PHLDB2: variants seen among roughly 807,000 people sequenced by gnomAD.
PHLDB2 encodes pleckstrin homology like domain family B member 2, also known as pleckstrin homology-like domain family B member 2.
Under a neutral mutation model 123.6 loss-of-function variants are expected in PHLDB2, and 71 were observed. That is an observed-to-expected ratio of 0.57 (90% CI 0.47 to 0.70). The LOEUF (loss-of-function observed/expected upper bound fraction) is 0.70. Among genes scored for constraint, PHLDB2 ranks in the 30% least tolerant of loss-of-function variants. PHLDB2 has a pLI of 0.00. For missense variants in PHLDB2, 1,446 were observed against 1,519.5 expected (o/e 0.95, Z 0.80); for synonymous variants, 547 against 541.6 (o/e 1.01, Z -0.14).
At chr3:111,830,864 T>C (rs1232770159) in intron 1 of PHLDB2, among the ~76,000 whole-genome samples, 3 of 148,510 alleles carry the variant, frequency 2.0e-5, no homozygotes, top group African/African-American at 7.4e-5. Flanking sequence ...AGCATATCAT[T>C]GTCAGCATGA....
intron 1 of PHLDB2, among the ~76,000 whole-genome samples, chr3:111,773,918 C>T (rs960019888): frequency 6.6e-6 from 1 of 152,344 alleles, no homozygotes; most frequent in African/African-American, 2.4e-5. Context: ...CTTCCCACCA[C>T]TTACTGGGAA....
In PHLDB2 at chr3:111,850,556, A is replaced by G. The variant is rs1041151669; in HGVS notation, c.67+4621A>G. Reference sequence around the variant, plus strand: ...TGAAGCAGGAGGATCACTTGACCCCAGGAGCTCAAGACCAGCCTGGGCAAT... The same window carrying G: ...TGAAGCAGGAGGATCACTTGACCCCGGGAGCTCAAGACCAGCCTGGGCAAT... On this transcript the variant is annotated intron_variant, in intron 2 of 17. Transcript: ENST00000393923. Among the ~76,000 whole-genome samples, 6 of 152,330 alleles carry G rather than the reference A, an allele frequency of 3.9e-5. No individual in the cohort carries two copies. The East Asian group carries it at 1.2e-3, about 29-fold the overall frequency.
intron 2 of PHLDB2, among the ~76,000 whole-genome samples, chr3:111,850,455 A>T (rs966858816): frequency 1.3e-5 from 2 of 152,236 alleles, no homozygotes; most frequent in African/African-American, 2.4e-5. Flanking sequence ...TTGAAATTTT[A>T]AAAAATTTAA....
chr3:111,797,377 A>T (rs1180612775), intron 1 of PHLDB2, among the ~76,000 whole-genome samples: 1 of 152,198 alleles, frequency 6.6e-6, no homozygotes, highest in African/African-American at 2.4e-5. Flanking sequence ...ACACACAGAG[A>T]GTAGTTATTG....
intron 6 of PHLDB2, among the ~76,000 whole-genome samples, chr3:111,932,949 A>G (rs543720737): frequency 4.8e-4 from 73 of 152,376 alleles, no homozygotes; most frequent in Admixed American, 2.2e-3. Flanking sequence ...AAATGCCCTC[A>G]ACATCTCATG....
intron 9 of PHLDB2, 196 bp downstream of exon 9, chr3:111,945,553 T>G: frequency 1.7e-6 from 1 of 593,724 alleles, no homozygotes; most frequent in Non-Finnish European, 3.0e-6. Context: ...CTAATGCAGA[T>G]GCACATTGTG....
intron 16 of PHLDB2, among the ~76,000 whole-genome samples, chr3:111,971,397 T>C (rs1407126849): frequency 6.6e-6 from 1 of 152,186 alleles, no homozygotes; most frequent in African/African-American, 2.4e-5. Context: ...CAGACCCATG[T>C]AAATGTGTCT....
chr3:111,748,585 G>C (rs906975628), intron 1 of PHLDB2, among the ~76,000 whole-genome samples: 1 of 151,934 alleles, frequency 6.6e-6, no homozygotes, highest in South Asian at 2.1e-4. Flanking sequence ...ACAGTGGCGC[G>C]ATCTCGGCTC....
intron 1 of PHLDB2, among the ~76,000 whole-genome samples, chr3:111,832,232 T>C (rs146140613): frequency 6.6e-6 from 1 of 152,166 alleles, no homozygotes; most frequent in East Asian, 1.9e-4. Flanking sequence ...AATCTACATC[T>C]CTTTTTCTTT....
intron 1 of PHLDB2, among the ~76,000 whole-genome samples, chr3:111,863,695 GTC>G (rs2064940984): frequency 6.6e-6 from 1 of 152,144 alleles, no homozygotes; most frequent in African/African-American, 2.4e-5. Context: ...TGCACCCACA[GTC>G]TCTACCATTC....
chr3:111,862,377 T>C (rs1315667208), intron 1 of PHLDB2, among the ~76,000 whole-genome samples: 1 of 152,192 alleles, frequency 6.6e-6, no homozygotes, highest in Non-Finnish European at 1.5e-5. Flanking sequence ...GTGATGTGCT[T>C]TATCTTAAAG....
At chr3:111,732,500 CCA>C (rs1941533071) in exon 1 of PHLDB2, 1 of 915,572 alleles carries the variant, frequency 1.1e-6, no homozygotes, top group African/African-American at 1.6e-5. Flanking sequence ...CTGCCTGTGA[CCA>C]CAGTCTGCAG....
In PHLDB2 at chr3:111,976,004, A is replaced by G. The variant is rs1235818089; in HGVS notation, c.*1441A>G. ...AGATTTTACTTGAACAGTGAAGGAC[A>G]AAAATCATGATTGTGGAAGATATTT... is the stretch of plus-strand genomic sequence containing the variant. On this transcript the variant is annotated 3_prime_UTR_variant, in exon 18 of 18. Coordinates refer to ENST00000431670, the MANE Select transcript of PHLDB2 (RefSeq NM_001134438.2). 4 of 152,694 alleles carry G rather than the reference A, an allele frequency of 2.6e-5. No homozygotes were observed. Among genetic ancestry groups the G allele is most frequent in the African/African-American group, 7.2e-5 (3 of 41,476 alleles). 9.5% of individuals were successfully genotyped at this position (152,694 alleles called of 1,614,324 possible).
chr3:111,876,332 G>A (rs1162936681), intron 1 of PHLDB2, among the ~76,000 whole-genome samples: 2 of 152,018 alleles, frequency 1.3e-5, no homozygotes, highest in Admixed American at 6.6e-5. Flanking sequence ...GCAACTTGGC[G>A]GTTAAGAACA....
chr3:111,831,038 G>GAAGAAAGAAAGA (rs1559855438), intron 1 of PHLDB2, among the ~76,000 whole-genome samples: 3 of 54,962 alleles, frequency 5.5e-5, no homozygotes, highest in Admixed American at 1.8e-4. Flanking sequence ...AGAAAGGAAG[G>GAAGAAAGAAAGA]AAGGAAGAAA....
At chr3:111,818,757 TA>T (rs1389274807) in intron 1 of PHLDB2, among the ~76,000 whole-genome samples, 4 of 152,170 alleles carry the variant, frequency 2.6e-5, no homozygotes, top group Non-Finnish European at 5.9e-5. Flanking sequence ...TGCTGAATTC[TA>T]AAAAAATTCT....
intron 1 of PHLDB2, among the ~76,000 whole-genome samples, chr3:111,758,471 G>A (rs1393825176): frequency 6.6e-6 from 1 of 152,198 alleles, no homozygotes; most frequent in Non-Finnish European, 1.5e-5. Flanking sequence ...CGCAGTATTA[G>A]GGTGGGAGTG....
At chr3:111,770,122 C>G (rs1355118299) in intron 1 of PHLDB2, among the ~76,000 whole-genome samples, 3 of 152,202 alleles carry the variant, frequency 2.0e-5, no homozygotes, top group African/African-American at 7.2e-5. Context: ...CAGAGCCACA[C>G]AGCTGAGAGT....
At chr3:111,969,457 A>G (rs73232025) in intron 15 of PHLDB2, among the ~76,000 whole-genome samples, 17,548 of 152,246 alleles carry the variant, frequency 0.12, 1,199 homozygotes, top group Non-Finnish European at 0.15. Context: ...TAAGGAATAG[A>G]ATAAATTGTC....
Sources: allele counts gnomAD v4.1 joint callset (sites outside exome capture counted in the v4.1 genomes callset), GRCh38; gene constraint gnomAD v4.1.1; transcripts MANE v1.5; gene names NCBI Gene and HGNC (gene_info 2026-07-23, HGNC 2026-07-21).